The following TMEM266 variants were observed in gnomAD, a reference collection of about 807,000 sequenced individuals.
The protein encoded by TMEM266 is transmembrane protein 266.
TMEM266 carries 33 observed loss-of-function variants against 50.5 expected under a neutral mutation model. The ratio of observed to expected loss-of-function variants is 0.65; its 90% CI spans 0.50 to 0.87. The LOEUF is 0.87. TMEM266 is among the 40% of genes least tolerant of loss of function. The pLI is 0.00. For synonymous variants in TMEM266, 310 were observed against 292.3 expected (o/e 1.06, Z -0.62); for missense variants, 655 against 695.1 (o/e 0.94, Z 0.65).
chr15:76,164,159 C>T (rs758491816), intron 5 of TMEM266, among the ~76,000 whole-genome samples: 9 of 152,074 alleles, frequency 5.9e-5, no homozygotes, highest in Non-Finnish European at 8.8e-5. Flanking sequence ...TTTGTGACTG[C>T]GGCTTTTAGC....
At chr15:76,088,293 T>C (rs2036801518) in intron 1 of TMEM266, among the ~76,000 whole-genome samples, 1 of 152,170 alleles carries the variant, frequency 6.6e-6, no homozygotes, top group African/African-American at 2.4e-5. Flanking sequence ...GAAAAGTTAT[T>C]AGCAGGGTAC....
intron 8 of TMEM266, among the ~76,000 whole-genome samples, chr15:76,183,736 C>G (rs1203868081): frequency 6.6e-6 from 1 of 152,212 alleles, no homozygotes; most frequent in Non-Finnish European, 1.5e-5. Flanking sequence ...TTATCAAAGT[C>G]CTTCCTGGGG....
At chr15:76,142,271 C>A (rs2037691587) in intron 3 of TMEM266, among the ~76,000 whole-genome samples, 1 of 152,308 alleles carries the variant, frequency 6.6e-6, no homozygotes, top group South Asian at 2.1e-4. Context: ...TGCCTGTAAT[C>A]CCTGCTACTT....
At chr15:76,169,922 C>T (rs74024102) in intron 6 of TMEM266, 50 bp downstream of exon 6, 34,199 of 1,576,352 alleles carry the variant, frequency 0.022, 884 homozygotes, top group African/African-American at 0.13. Context: ...ATCCTGGAAG[C>T]TGGAAAACGT....
At chr15:76,138,032 GC>G (rs912648962) in intron 3 of TMEM266, 137 bp downstream of exon 3, 1 of 769,110 alleles carries the variant, frequency 1.3e-6, no homozygotes, top group African/African-American at 1.8e-5. Context: ...GACCAGCCTG[GC>G]CAACATGGTA....
chr15:76,060,191 C>T (rs1385589009), intron 1 of TMEM266, among the ~76,000 whole-genome samples, 175 bp downstream of exon 1: 2 of 151,936 alleles, frequency 1.3e-5, no homozygotes, highest in Non-Finnish European at 2.9e-5. Context: ...GGCGAGGGTG[C>T]GTGGGGCAGC....
chr15:76,065,280 C>T (rs1021035180), intron 1 of TMEM266, among the ~76,000 whole-genome samples: 2 of 152,188 alleles, frequency 1.3e-5, no homozygotes, highest in African/African-American at 2.4e-5. Context: ...TATCACTGCC[C>T]TTCTTGATAC....
intron 9 of TMEM266, among the ~76,000 whole-genome samples, chr15:76,200,483 A>AT (rs1193164759): frequency 2.0e-5 from 3 of 152,094 alleles, no homozygotes; most frequent in African/African-American, 7.2e-5. Context: ...AGCATCTGGG[A>AT]TTTTCTCATT....
intron 1 of TMEM266, among the ~76,000 whole-genome samples, chr15:76,086,663 T>C (rs1346678311): frequency 6.6e-6 from 1 of 152,168 alleles, no homozygotes; most frequent in African/African-American, 2.4e-5. Flanking sequence ...GTAAACCCTA[T>C]GTAAATGAAG....
intron 1 of TMEM266, among the ~76,000 whole-genome samples, chr15:76,103,889 C>T (rs1460521199): frequency 2.2e-5 from 3 of 137,602 alleles, no homozygotes; most frequent in African/African-American, 5.6e-5. Flanking sequence ...TGCAGCCTAG[C>T]GACGGAGCGA....
At chr15:76,167,467 C>CAAA (rs552656577) in intron 5 of TMEM266, among the ~76,000 whole-genome samples, 1 of 101,222 alleles carries the variant, frequency 9.9e-6, no homozygotes, top group African/African-American at 3.7e-5. Context: ...GAGACTGTTT[C>CAAA]AAAAAAAAAA....
chr15:76,164,224 G>A (rs969900500), intron 5 of TMEM266, among the ~76,000 whole-genome samples: 14 of 151,690 alleles, frequency 9.2e-5, no homozygotes, highest in Non-Finnish European at 1.9e-4. Flanking sequence ...TTTTCTTTTC[G>A]AGACAGGGTC....
At chr15:76,183,489 C>T (rs1171819834) in intron 8 of TMEM266, among the ~76,000 whole-genome samples, 1 of 152,152 alleles carries the variant, frequency 6.6e-6, no homozygotes, top group African/African-American at 2.4e-5. Context: ...GAATTGGGCA[C>T]AGCAGGTTTT....
At chr15:76,104,474 T>C (rs760060150) in intron 1 of TMEM266, among the ~76,000 whole-genome samples, 1 of 152,180 alleles carries the variant, frequency 6.6e-6, no homozygotes, top group Non-Finnish European at 1.5e-5. Context: ...CGCTGATATG[T>C]CTCGAGATGT....
chr15:76,104,023 T>C (rs915679767), intron 1 of TMEM266, among the ~76,000 whole-genome samples: 2 of 148,978 alleles, frequency 1.3e-5, no homozygotes, highest in Admixed American at 6.7e-5. Flanking sequence ...CTGGCTAACA[T>C]GATGAAACCC....
intron 9 of TMEM266, 127 bp downstream of exon 9, chr15:76,192,284 C>G: frequency 1.1e-6 from 1 of 869,896 alleles, no homozygotes; most frequent in Non-Finnish European, 1.6e-6. Context: ...CTCCTTCACT[C>G]GTGATTGGGG....
At chr15:76,196,968 T>C (rs540813834) in intron 9 of TMEM266, among the ~76,000 whole-genome samples, 3 of 152,360 alleles carry the variant, frequency 2.0e-5, no homozygotes, top group Non-Finnish European at 4.4e-5. Flanking sequence ...CCATAACTTA[T>C]GAATTACAGC....
chr15:76,097,748 G>A (rs375012785), intron 1 of TMEM266, among the ~76,000 whole-genome samples: 10 of 151,936 alleles, frequency 6.6e-5, no homozygotes, highest in South Asian at 2.1e-4. Flanking sequence ...CCAATCAAAC[G>A]TAGATTTGGT....
At chr15:76,126,677 G>A (rs1017168595) in intron 1 of TMEM266, among the ~76,000 whole-genome samples, 6 of 151,356 alleles carry the variant, frequency 4.0e-5, no homozygotes, top group African/African-American at 1.5e-4. Flanking sequence ...GATTACAGGC[G>A]CCCACCATGC....
Sources: gnomAD v4.1 joint callset for allele counts (sites outside exome capture counted in the v4.1 genomes callset) on GRCh38, gnomAD v4.1.1 for gene constraint, MANE v1.5 for transcripts, NCBI Gene and HGNC (gene_info 2026-07-23, HGNC 2026-07-21) for gene names.